The following CHEK2 variants were observed in gnomAD, a reference collection of about 807,000 sequenced individuals.
The protein encoded by CHEK2 is checkpoint kinase 2, also known as serine/threonine-protein kinase Chk2.
Under a neutral mutation model 69.1 loss-of-function variants are expected in CHEK2, and 71 were observed. That is an observed-to-expected ratio of 1.03 (90% CI 0.85 to 1.25). The LOEUF is 1.25. CHEK2 is among the 50% of genes most tolerant of loss of function. CHEK2 has a pLI of 0.00. For synonymous variants in CHEK2, 189 were observed against 226.9 expected (o/e 0.83, Z 1.50); for missense variants, 664 against 649.6 (o/e 1.02, Z -0.24).
intron 2 of CHEK2, among the ~76,000 whole-genome samples, chr22:28,725,963 G>C (rs1468132247): frequency 6.7e-6 from 1 of 149,874 alleles, no homozygotes; most frequent in Non-Finnish European, 1.5e-5. Flanking sequence ...CCAGCACTTT[G>C]GGAGGCTGAG....
At chr22:28,730,078 T>C (rs1053936103) in intron 2 of CHEK2, among the ~76,000 whole-genome samples, 46 of 150,084 alleles carry the variant, frequency 3.1e-4, no homozygotes, top group African/African-American at 1.1e-3. Context: ...CTCCTGACCT[T>C]GTGATCCGCC....
intron 1 of CHEK2, among the ~76,000 whole-genome samples, chr22:28,740,314 G>T (rs1367247216): frequency 6.6e-6 from 1 of 152,062 alleles, no homozygotes; most frequent in African/African-American, 2.4e-5. Context: ...GGTCAAAATG[G>T]CTGTCCTAAC....
intron 7 of CHEK2, among the ~76,000 whole-genome samples, chr22:28,708,119 G>A (rs1023780227): frequency 6.6e-6 from 1 of 151,844 alleles, no homozygotes; most frequent in Admixed American, 6.6e-5. Context: ...GATTACAGGC[G>A]TGAGCCACCG....
intron 1 of CHEK2, among the ~76,000 whole-genome samples, chr22:28,736,529 G>A (rs1217531878): frequency 6.6e-6 from 1 of 152,194 alleles, no homozygotes; most frequent in Non-Finnish European, 1.5e-5. Context: ...TATCTTTTCA[G>A]CATCCTAAAT....
At position 28,734,705 on chromosome 22, in the gene CHEK2, TC is replaced by T. The variant is rs2146156838; in HGVS notation, c.16del (p.Asp6MetfsTer55). 1 of 1,612,772 alleles carries T rather than the reference TC, an allele frequency of 6.2e-7. No individual in the cohort carries two copies. Among genetic ancestry groups the T allele is most frequent in the South Asian group, 1.1e-5 (1 of 91,006 alleles). On this transcript the variant is annotated frameshift_variant, in exon 2 of 15. Transcript: ENST00000404276. LOFTEE classifies it high-confidence loss of function. MSRESDVEAQQSHGSS... is the reference protein window; with the variant it reads MSRESXVEAQQSHGSS... ...GCCATGAGACTGCTGAGCCTCAACA[TC>T]CGACTCCCGAGACATCACGACCTCA...
At chr22:28,733,880 C>T (rs969901623) in intron 2 of CHEK2, among the ~76,000 whole-genome samples, 1 of 148,848 alleles carries the variant, frequency 6.7e-6, no homozygotes, top group Non-Finnish European at 1.5e-5. Flanking sequence ...GCCGAGATGG[C>T]GTCACTGCAC....
Position 28,734,403 on chromosome 22 carries a change from C to T in CHEK2, c.319G>A (p.Glu107Lys), listed in dbSNP as rs775320614. The T allele has an allele frequency of 3.1e-6, 5 of 1,613,614 alleles. No homozygotes were observed. Among genetic ancestry groups the T allele is most frequent in the Non-Finnish European group, 3.4e-6 (4 of 1,179,762 alleles). The change falls in exon 2 of 15, where the codon GAA (glutamate) becomes AAA (lysine). Residue 107 changes from glutamate to lysine, a missense_variant and splice_region_variant. By Grantham distance (56) the Glu-to-Lys change is moderately conservative. Transcript: ENST00000404276. ...WALQDGFANLECVNDNYWFGR... is the reference protein window; with the variant it reads ...WALQDGFANLKCVNDNYWFGR... ...GATACTATACAACAAAGGGTCTTAC[C>T]AAGATTGGCAAATCCATCCTGAAGG...
chr22:28,738,859 G>A (rs1193085554), intron 1 of CHEK2, among the ~76,000 whole-genome samples: 1 of 152,132 alleles, frequency 6.6e-6, no homozygotes, highest in Non-Finnish European at 1.5e-5. Context: ...ACAAAGTGAA[G>A]AGACAACCCA....
At position 28,695,209 on chromosome 22, in the gene CHEK2, C is replaced by A. The variant is rs587780175; in HGVS notation, c.1293G>T (p.Arg431Ser). 1 of 1,612,836 alleles carries A rather than the reference C, an allele frequency of 6.2e-7. No individual in the cohort carries two copies. The highest frequency in any genetic ancestry group is 8.5e-7 in the Non-Finnish European group (1 of 1,178,974). The change falls in exon 12 of 15, where the codon AGG (arginine) becomes AGT (serine). Residue 431 changes from arginine to serine, a missense_variant. Coordinates refer to ENST00000404276, the MANE Select transcript of CHEK2 (RefSeq NM_007194.4). ...TCTGATCCTTCAGTGACACTTGAGT[C>A]CTATGCTCAGAGAAAGGTGGATACC... is the stretch of plus-strand genomic sequence containing the variant. ...LSGYPPFSEH[R>S]TQVSLKDQIT...
rs752590759 is a variant in CHEK2 at position 28,719,502 on chromosome 22, TAGA to T, written c.593-20_593-18del. ...AGACAAAAACTAAGGAAGAAAAGAG[TAGA>T]AATGGGTTTCATTAATTTATTCACA... On this transcript the variant is annotated intron_variant, in intron 4 of 14. Coordinates refer to ENST00000404276, the MANE Select transcript of CHEK2 (RefSeq NM_007194.4). 79 of 1,429,704 alleles carry T rather than the reference TAGA, an allele frequency of 5.5e-5. No homozygotes were observed. Among genetic ancestry groups the T allele is most frequent in the Non-Finnish European group, 7.6e-5 (78 of 1,025,676 alleles). 88.6% of individuals were successfully genotyped at this position (1,429,704 alleles called of 1,614,324 possible).
intron 6 of CHEK2, 149 bp downstream of exon 6, chr22:28,711,760 C>A: frequency 1.5e-6 from 1 of 655,440 alleles, no homozygotes; most frequent in Non-Finnish European, 2.7e-6. Context: ...CAAAGATGCC[C>A]CAAAATTTTC....
rs554779856 is a variant in CHEK2, at chr22:28,688,859, T to C, written c.1542+276A>G. Among the ~76,000 whole-genome samples, 291 of 152,346 alleles carry C rather than the reference T, an allele frequency of 1.9e-3. 1 individual carries two copies. Among genetic ancestry groups the C allele is most frequent in the African/African-American group, 6.1e-3 (252 of 41,576 alleles). On this transcript the variant is annotated intron_variant, in intron 14 of 14. Transcript: ENST00000404276. ...TGTTCAACAAATTTATATTTGAGCCTCTAATAGAGTCTTTCGAAATTGCCT... is the reference window on the plus strand; with the variant it reads ...TGTTCAACAAATTTATATTTGAGCCCCTAATAGAGTCTTTCGAAATTGCCT...
chr22:28,730,628 C>T (rs1024410633), intron 2 of CHEK2: 11 of 545,730 alleles, frequency 2.0e-5, no homozygotes, highest in Admixed American at 1.5e-4. Context: ...GAGGCCGAGG[C>T]GGGTGGATCA....
chr22:28,691,780 G>A (rs1198853156), intron 13 of CHEK2, among the ~76,000 whole-genome samples: 2 of 152,182 alleles, frequency 1.3e-5, no homozygotes, highest in Non-Finnish European at 2.9e-5. Flanking sequence ...GTAAATATGA[G>A]GCAGAGAGTA....
At chr22:28,689,800 AG>A (rs1287996724) in intron 13 of CHEK2, among the ~76,000 whole-genome samples, 1 of 152,148 alleles carries the variant, frequency 6.6e-6, no homozygotes, top group Admixed American at 6.6e-5. Flanking sequence ...GCGGGAGGTG[AG>A]GGGTTTCATG....
At chr22:28,702,840 C>T (rs976268798) in intron 8 of CHEK2, among the ~76,000 whole-genome samples, 1 of 152,186 alleles carries the variant, frequency 6.6e-6, no homozygotes, top group Non-Finnish European at 1.5e-5. Context: ...AGCCACTGCA[C>T]CTGGCCCTGG....
At chr22:28,736,561 T>C (rs2054412825) in intron 1 of CHEK2, among the ~76,000 whole-genome samples, 1 of 152,218 alleles carries the variant, frequency 6.6e-6, no homozygotes. Flanking sequence ...CTTGATGTAA[T>C]CTTGCAGGAA....
intron 1 of CHEK2, among the ~76,000 whole-genome samples, chr22:28,740,209 A>G (rs1301098650): frequency 6.6e-6 from 1 of 152,126 alleles, no homozygotes; most frequent in Non-Finnish European, 1.5e-5. Flanking sequence ...CAAAAAAAAC[A>G]CTGTACTAAA....
chr22:28,694,167 A>C, intron 12 of CHEK2, 50 bp from the exon 13 acceptor site: 1 of 1,234,438 alleles, frequency 8.1e-7, no homozygotes, highest in Non-Finnish European at 1.2e-6. Context: ...ATATATTATC[A>C]GTAAGAGTAT....
Sources: allele counts gnomAD v4.1 joint callset (sites outside exome capture counted in the v4.1 genomes callset), GRCh38; gene constraint gnomAD v4.1.1; transcripts MANE v1.5; gene names NCBI Gene and HGNC (gene_info 2026-07-23, HGNC 2026-07-21).